The following ST3GAL3 variants were observed in gnomAD, a reference collection of about 807,000 sequenced individuals.
The protein encoded by ST3GAL3 is CMP-N-acetylneuraminate-beta-1,4-galactoside alpha-2,3-sialyltransferase.
In ST3GAL3, 21 loss-of-function variants were observed where a neutral mutation model predicts 50.1. That is an observed-to-expected ratio of 0.42 (90% CI 0.30 to 0.60). The LOEUF (loss-of-function observed/expected upper bound fraction) is 0.60, where lower values mean the gene tolerates loss of function less well. Among genes scored for constraint, ST3GAL3 ranks in the 20% least tolerant of loss-of-function variants. The pLI, the probability that ST3GAL3 is intolerant of heterozygous loss-of-function variation, is 0.19. For missense variants in ST3GAL3, 353 were observed against 489.4 expected, an observed-to-expected ratio of 0.72 and a Z score of 2.63; for synonymous variants, 183 against 190.0, an observed-to-expected ratio of 0.96 and a Z score of 0.30.
intron 4 of ST3GAL3, among the ~76,000 whole-genome samples, chr1:43,831,304 C>G (rs2063510023): frequency 6.6e-6 from 1 of 152,164 alleles, no homozygotes; most frequent in African/African-American, 2.4e-5. Context: ...TAGACAGGGC[C>G]CTGGCCAAAT....
chr1:43,858,641 G>A (rs1346246558), intron 5 of ST3GAL3, among the ~76,000 whole-genome samples: 1 of 152,210 alleles, frequency 6.6e-6, no homozygotes, highest in African/African-American at 2.4e-5. Flanking sequence ...AGCCCTGTGA[G>A]TTCCTCAGTG....
chr1:43,765,397 A>G (rs1482816662), intron 2 of ST3GAL3, among the ~76,000 whole-genome samples: 1 of 152,196 alleles, frequency 6.6e-6, no homozygotes, highest in Admixed American at 6.5e-5. Flanking sequence ...TCCACAGATC[A>G]GTACTCAGTC....
At chr1:43,825,202 C>A (rs951443833) in intron 4 of ST3GAL3, among the ~76,000 whole-genome samples, 1 of 152,176 alleles carries the variant, frequency 6.6e-6, no homozygotes, top group African/African-American at 2.4e-5. Context: ...TATAATATAA[C>A]AACTACTGCA....
intron 5 of ST3GAL3, among the ~76,000 whole-genome samples, chr1:43,888,228 C>A (rs1314505673): frequency 1.3e-5 from 2 of 152,046 alleles, no homozygotes; most frequent in African/African-American, 4.8e-5. Context: ...TGAAAACACA[C>A]AAGTACTAAA....
intron 5 of ST3GAL3, among the ~76,000 whole-genome samples, chr1:43,863,142 C>G (rs547053565): frequency 1.3e-5 from 2 of 152,290 alleles, no homozygotes; most frequent in African/African-American, 4.8e-5. Flanking sequence ...AGCTCACTGT[C>G]TGGGGGAAGT....
intron 11 of ST3GAL3, 144 bp downstream of exon 11, chr1:43,921,072 T>A: frequency 1.0e-6 from 1 of 956,084 alleles, no homozygotes; most frequent in Non-Finnish European, 1.6e-6. Flanking sequence ...ACGTGCCCTC[T>A]CCACAGCCTC....
rs543058392 is a variant in ST3GAL3, at chr1:43,851,171, G to A, written c.302+12860G>A. 2.0e-4 allele frequency: 275 copies of A among 1,379,298 alleles called. No individual in the cohort carries two copies. In the African/African-American group the frequency reaches 3.2e-3, roughly 16 times the overall value. The allele number at this position is 1,379,298 out of a possible 1,614,324, so 85.4% of individuals were successfully genotyped here. Reference sequence around the variant, plus strand: ...GATCAGCTTCGGGTGGAAGAGGCGGGTGTTCTCCTCCAGCTGGTCATAGTT... The same window carrying A: ...GATCAGCTTCGGGTGGAAGAGGCGGATGTTCTCCTCCAGCTGGTCATAGTT... On this transcript the variant is annotated intron_variant, in intron 5 of 11. Coordinates refer to ENST00000347631, the MANE Select transcript of ST3GAL3 (RefSeq NM_006279.5).
intron 9 of ST3GAL3, among the ~76,000 whole-genome samples, chr1:43,917,235 AAAT>A (rs1332816386): frequency 6.6e-6 from 1 of 151,382 alleles, no homozygotes; most frequent in Non-Finnish European, 1.5e-5. Context: ...ATGGTTAAAA[AAAT>A]AATAACTTGT....
chr1:43,806,921 G>T (rs533055632), intron 3 of ST3GAL3, among the ~76,000 whole-genome samples: 2 of 152,186 alleles, frequency 1.3e-5, no homozygotes, highest in Non-Finnish European at 2.9e-5. Context: ...ACACACCTGG[G>T]TTCAAGCGAT....
intron 5 of ST3GAL3, among the ~76,000 whole-genome samples, chr1:43,885,444 G>A (rs2075825210): frequency 6.6e-6 from 1 of 152,020 alleles, no homozygotes; most frequent in Admixed American, 6.5e-5. Context: ...GCGTGCCGGG[G>A]TGCTGGCGGG....
At chr1:43,777,255 A>C (rs945379224) in intron 2 of ST3GAL3, among the ~76,000 whole-genome samples, 2 of 152,164 alleles carry the variant, frequency 1.3e-5, no homozygotes, top group Admixed American at 1.3e-4. Context: ...AGTGTCTTCC[A>C]ATACACAATC....
intron 3 of ST3GAL3, among the ~76,000 whole-genome samples, chr1:43,797,394 A>G (rs764767): frequency 0.05 from 7,578 of 152,250 alleles, 616 homozygotes; most frequent in African/African-American, 0.17. Context: ...TCGTGTCTTC[A>G]GAGTTCCATA....
At position 43,915,249 on chromosome 1, in the gene ST3GAL3, C is replaced by T. The variant is rs546178527; in HGVS notation, c.745-5155C>T. Among the ~76,000 whole-genome samples, 16 of 152,240 alleles carry T rather than the reference C, an allele frequency of 1.1e-4. No homozygotes were observed. The South Asian group carries it at 3.1e-3, about 30-fold the overall frequency. On this transcript the variant is annotated intron_variant, in intron 9 of 11. Coordinates refer to ENST00000347631, the MANE Select transcript of ST3GAL3 (RefSeq NM_006279.5). ...GGCGCCCTGGGTGGAGGTCAGGTCT[C>T]CTTTAGTAACCGTCACTGATGCCTC... is the stretch of plus-strand genomic sequence containing the variant.
At chr1:43,930,073 G>T in intron 11 of ST3GAL3, 59 bp from the exon 12 acceptor site, 1 of 1,483,368 alleles carries the variant, frequency 6.7e-7, no homozygotes. Context: ...ACCGAGCCCT[G>T]GAAGGGGCAG....
intron 5 of ST3GAL3, among the ~76,000 whole-genome samples, chr1:43,888,458 TAAAG>T (rs111437636): frequency 0.044 from 6,545 of 149,304 alleles, 171 homozygotes; most frequent in East Asian, 0.13. Context: ...AGGGGGGAAA[TAAAG>T]AAAAGAAAAC....
At chr1:43,863,977 A>G (rs1252289081) in intron 5 of ST3GAL3, among the ~76,000 whole-genome samples, 1 of 54,618 alleles carries the variant, frequency 1.8e-5, no homozygotes, top group African/African-American at 5.6e-5. Flanking sequence ...GGAGAGTGAC[A>G]GATAAGAAAC....
At position 43,930,584 on chromosome 1, in the gene ST3GAL3, T is replaced by C. The variant is rs1004557755; in HGVS notation, c.*363T>C. On this transcript the variant is annotated 3_prime_UTR_variant, in exon 12 of 12. Transcript: ENST00000347631. ...GGTAGGGGGGAGGGTAGGGATAATT[T>C]ATTTTTAAATAAGGTTGGAGATGTC... The C allele has an allele frequency of 5.4e-6, 2 of 368,156 alleles. No individual in the cohort carries two copies. Among genetic ancestry groups the C allele is most frequent in the Admixed American group, 7.7e-5 (2 of 26,088 alleles). 22.8% of individuals were successfully genotyped at this position (368,156 alleles called of 1,614,324 possible).
intron 1 of ST3GAL3, chr1:43,709,628 A>G (rs1570985412): frequency 6.6e-6 from 1 of 151,456 alleles, no homozygotes; most frequent in South Asian, 2.1e-4. Context: ...AAATCTTCCC[A>G]CCTTGAGTTC....
intron 11 of ST3GAL3, among the ~76,000 whole-genome samples, chr1:43,929,425 C>A (rs1048175208): frequency 2.6e-5 from 4 of 151,982 alleles, no homozygotes; most frequent in African/African-American, 9.7e-5. Flanking sequence ...CTGCCTCAGC[C>A]TCCTGAGTAG....
Sources: allele counts gnomAD v4.1 joint callset (sites outside exome capture counted in the v4.1 genomes callset), GRCh38; gene constraint gnomAD v4.1.1; transcripts MANE v1.5; gene names NCBI Gene and HGNC (gene_info 2026-07-23, HGNC 2026-07-21).